The following IQSEC1 variants were observed in gnomAD, a reference collection of about 807,000 sequenced individuals.
IQSEC1 encodes the protein IQ motif and Sec7 domain ArfGEF 1.
IQSEC1 carries 31 observed loss-of-function variants against 91.0 expected under a neutral mutation model. That is an observed-to-expected ratio of 0.34 (90% CI 0.26 to 0.46). The LOEUF is 0.46. IQSEC1 is among the 20% of genes least tolerant of loss of function. The pLI is 1.00. For synonymous variants in IQSEC1, 699 were observed against 662.6 expected (o/e 1.05, Z -0.84); for missense variants, 1,388 against 1,575.6 (o/e 0.88, Z 2.02).
chr3:13,136,736 C>T lies in IQSEC1; in HGVS notation c.302+27368G>A, dbSNP rs190414640. 4.5e-4 allele frequency among the ~76,000 whole-genome samples: 69 copies of T among 152,314 alleles called. No homozygotes were observed. In the South Asian group the frequency reaches 7.1e-3, roughly 16 times the overall value. ...AAGAGATGTGGGTGACCCCACCAGA[C>T]GGACAAAAATGAGACATCTCACAGG... is the stretch of plus-strand genomic sequence containing the variant. On this transcript the variant is annotated intron_variant, in intron 2 of 15. Transcript: ENST00000648114.
intron 1 of IQSEC1, among the ~76,000 whole-genome samples, chr3:13,020,735 A>T (rs1703359821): frequency 6.6e-6 from 1 of 152,158 alleles, no homozygotes; most frequent in Admixed American, 6.5e-5. Context: ...ATTCACAGGC[A>T]TGATCATCAC....
At chr3:13,053,368 T>C (rs187414391) in intron 1 of IQSEC1, among the ~76,000 whole-genome samples, 16 of 152,306 alleles carry the variant, frequency 1.1e-4, no homozygotes, top group Admixed American at 9.1e-4. Context: ...CTGTCCGTTT[T>C]AAAAGAACCC....
At chr3:13,081,191 C>T (rs1286068558) in intron 2 of IQSEC1, among the ~76,000 whole-genome samples, 1 of 152,238 alleles carries the variant, frequency 6.6e-6, no homozygotes, top group Non-Finnish European at 1.5e-5. Context: ...GAAGGACACA[C>T]AGACATGCCA....
At chr3:13,117,674 C>T (rs1706358990) in intron 2 of IQSEC1, among the ~76,000 whole-genome samples, 1 of 147,056 alleles carries the variant, frequency 6.8e-6, no homozygotes, top group Non-Finnish European at 1.5e-5. Flanking sequence ...ATCACAAGGA[C>T]AGGAGTTCGA....
chr3:13,093,109 G>T (rs1012369035), intron 2 of IQSEC1, among the ~76,000 whole-genome samples: 2 of 152,056 alleles, frequency 1.3e-5, no homozygotes, highest in Admixed American at 6.5e-5. Context: ...ACATCTCGGT[G>T]GCTCCACACA....
intron 2 of IQSEC1, among the ~76,000 whole-genome samples, chr3:13,113,441 C>T (rs957873908): frequency 6.6e-6 from 1 of 152,218 alleles, no homozygotes; most frequent in Non-Finnish European, 1.5e-5. Flanking sequence ...CTTGCCCACC[C>T]AGGGTGCTGT....
At chr3:13,113,076 A>G (rs9849320) in intron 2 of IQSEC1, among the ~76,000 whole-genome samples, 4,046 of 152,296 alleles carry the variant, frequency 0.027, 200 homozygotes, top group African/African-American at 0.093. Context: ...CTCCTGCTGC[A>G]TGCCTGGTGT....
chr3:13,133,773 C>A (rs1706662838), intron 2 of IQSEC1, among the ~76,000 whole-genome samples: 1 of 152,248 alleles, frequency 6.6e-6, no homozygotes, highest in Non-Finnish European at 1.5e-5. Context: ...CTTGGCCCAG[C>A]CCAACGGGCA....
intron 1 of IQSEC1, among the ~76,000 whole-genome samples, chr3:12,964,304 AC>A (rs1700424719): frequency 1.4e-5 from 1 of 71,700 alleles, no homozygotes; most frequent in Non-Finnish European, 3.2e-5. Context: ...CCCCCTACAC[AC>A]ACACACACAC....
intron 1 of IQSEC1, among the ~76,000 whole-genome samples, chr3:12,977,125 T>C (rs981309824): frequency 6.6e-6 from 1 of 152,130 alleles, no homozygotes; most frequent in Non-Finnish European, 1.5e-5. Context: ...GGCAGGCAGA[T>C]TGCTTGAGCT....
rs1272646520 is a variant in IQSEC1 at position 12,970,236 on chromosome 3, T to C, written c.24-28371A>G. Among the ~76,000 whole-genome samples the C allele has an allele frequency of 2.6e-5, 4 of 152,186 alleles. No individual in the cohort carries two copies. The highest frequency in any genetic ancestry group is 6.5e-5 in the Admixed American group (1 of 15,282). On this transcript the variant is annotated intron_variant, in intron 1 of 13. Transcript: ENST00000613206. The surrounding 1 kb of genome is among the most constrained non-coding windows in gnomAD (Gnocchi z 4.4). ...ATTCCCCAGTATGGTGTCGTGACAG[T>C]GGAGGAAAGAGCTTGTAATTCTGCC...
At chr3:12,902,643 C>CA (rs369432677) in intron 13 of IQSEC1, 130 bp downstream of exon 13, 32,437 of 276,650 alleles carry the variant, frequency 0.12, 2 homozygotes, top group South Asian at 0.14. Flanking sequence ...AAGGAAAAGC[C>CA]AAAAAAAAAA....
rs144186193 is a variant in IQSEC1, at chr3:13,113,863, C to G, written c.302+50241G>C. Among the ~76,000 whole-genome samples, 791 of 152,314 alleles carry G rather than the reference C, an allele frequency of 5.2e-3. 4 individuals are homozygous for G. The highest frequency in any genetic ancestry group is 8.5e-3 in the Non-Finnish European group (576 of 68,028). ...TGAAAGCGAAACAGTGGAAGCACCCCGATGGCCATCCATGGCGGACTGGCT... is the reference window on the plus strand; with the variant it reads ...TGAAAGCGAAACAGTGGAAGCACCCGGATGGCCATCCATGGCGGACTGGCT... On this transcript the variant is annotated intron_variant, in intron 2 of 15. Transcript: ENST00000648114.
upstream of IQSEC1, among the ~76,000 whole-genome samples, chr3:13,073,868 A>T (rs1215116314): frequency 2.0e-4 from 30 of 152,238 alleles, no homozygotes. Flanking sequence ...GAAAGGGATC[A>T]TAACAGCTAT....
intron 10 of IQSEC1, among the ~76,000 whole-genome samples, chr3:12,911,114 A>G (rs969951198): frequency 6.6e-6 from 1 of 152,206 alleles, no homozygotes; most frequent in Admixed American, 6.5e-5. Context: ...TCCGGCAGCT[A>G]TGATGGGGGC....
intron 1 of IQSEC1, among the ~76,000 whole-genome samples, chr3:13,243,439 T>A (rs1455988073): frequency 6.6e-6 from 1 of 152,164 alleles, no homozygotes; most frequent in Admixed American, 6.5e-5. Flanking sequence ...GCTAAGAGCC[T>A]CTTTGAGAAT....
Position 12,978,474 on chromosome 3 carries a change from G to A in IQSEC1, c.24-36609C>T, listed in dbSNP as rs1008349832. Among the ~76,000 whole-genome samples, 11 of 152,182 alleles carry A rather than the reference G, an allele frequency of 7.2e-5. No individual in the cohort carries two copies. The East Asian group carries it at 7.7e-4, about 11-fold the overall frequency. On this transcript the variant is annotated intron_variant, in intron 1 of 13. Transcript: ENST00000613206. ...AGCACTTTGGGAGACTGAGGCGGGC[G>A]GATCACATGGTCAGGAGTTCGAGAC...
intron 1 of IQSEC1, among the ~76,000 whole-genome samples, chr3:13,262,640 A>G (rs7614571): frequency 0.38 from 58,186 of 152,164 alleles, 14,266 homozygotes; most frequent in African/African-American, 0.71. Flanking sequence ...CATTCACAAT[A>G]GCCAAAAGGT....
chr3:13,076,796 C>T (rs947470461), upstream of IQSEC1, among the ~76,000 whole-genome samples: 1 of 152,168 alleles, frequency 6.6e-6, no homozygotes, highest in Non-Finnish European at 1.5e-5. Context: ...CCTAACTGCA[C>T]AAATGATAAG....
Sources: allele counts gnomAD v4.1 joint callset (sites outside exome capture counted in the v4.1 genomes callset), GRCh38; gene constraint gnomAD v4.1.1; non-coding constraint Gnocchi (gnomAD v3.1); transcripts MANE v1.5; gene names NCBI Gene and HGNC (gene_info 2026-07-23, HGNC 2026-07-21).